The following PCDH9 variants were observed in gnomAD, a reference collection of about 807,000 sequenced individuals.
PCDH9 encodes the protein protocadherin-9.
In PCDH9, 24 loss-of-function variants were observed where a neutral mutation model predicts 70.6. The observed-to-expected ratio is 0.34, with a 90% CI of 0.25 to 0.48. PCDH9 has a LOEUF of 0.48. Among genes scored for constraint, PCDH9 ranks in the 20% least tolerant of loss-of-function variants. The probability of loss-of-function intolerance (pLI) is 0.99; values close to 1 mark genes in which losing one functional copy is unlikely to be tolerated. For missense variants in PCDH9, 1,281 were observed against 1,503.6 expected (o/e 0.85, Z 2.45); for synonymous variants, 562 against 558.5 (o/e 1.01, Z -0.09).
At chr13:66,717,507 A>ATATATG (rs1222231593) in intron 3 of PCDH9, among the ~76,000 whole-genome samples, 1 of 129,298 alleles carries the variant, frequency 7.7e-6, no homozygotes, top group East Asian at 2.2e-4. Flanking sequence ...ATATATATAT[A>ATATATG]TGTATATATG....
intron 2 of PCDH9, among the ~76,000 whole-genome samples, chr13:66,966,377 A>C (rs1041042780): frequency 1.1e-4 from 17 of 152,156 alleles, no homozygotes; most frequent in African/African-American, 3.9e-4. Flanking sequence ...GTGGGTGATG[A>C]AAACAATTCC....
intron 4 of PCDH9, among the ~76,000 whole-genome samples, chr13:66,474,689 T>C (rs750269877): frequency 2.0e-5 from 3 of 152,148 alleles, no homozygotes; most frequent in African/African-American, 7.2e-5. Context: ...GATAAAATTA[T>C]TTCAATGGCT....
intron 4 of PCDH9, among the ~76,000 whole-genome samples, chr13:66,573,265 C>CTT (rs57530466): frequency 2.0e-4 from 24 of 121,134 alleles, no homozygotes; most frequent in Middle Eastern, 5.3e-3. Context: ...CATTTACCTA[C>CTT]TTTTTTTTTT....
chr13:67,008,092 CA>C (rs1298802078), intron 2 of PCDH9, among the ~76,000 whole-genome samples: 6 of 151,936 alleles, frequency 3.9e-5, no homozygotes, highest in Admixed American at 1.3e-4. Flanking sequence ...TCATCAGTGT[CA>C]GATACAGTTG....
chr13:66,866,376 G>A (rs571934948), intron 3 of PCDH9, among the ~76,000 whole-genome samples: 2 of 152,228 alleles, frequency 1.3e-5, no homozygotes, highest in South Asian at 4.2e-4. Flanking sequence ...CAGCTACTCG[G>A]GAGGCTGAGG....
chr13:66,721,707 AT>A (rs1395768884), intron 3 of PCDH9, among the ~76,000 whole-genome samples: 5 of 152,188 alleles, frequency 3.3e-5, no homozygotes, highest in African/African-American at 9.7e-5. Context: ...CCATTCTGAA[AT>A]CAAGAAACTT....
At chr13:66,632,464 A>T (rs1290868259) in intron 3 of PCDH9, among the ~76,000 whole-genome samples, 1 of 152,234 alleles carries the variant, frequency 6.6e-6, no homozygotes, top group East Asian at 1.9e-4. Flanking sequence ...GTAGTAGAAT[A>T]GAATATCCTA....
intron 4 of PCDH9, among the ~76,000 whole-genome samples, chr13:66,366,585 T>C (rs540756572): frequency 1.3e-5 from 2 of 152,130 alleles, no homozygotes; most frequent in Non-Finnish European, 2.9e-5. Context: ...AATTTTTAAA[T>C]ATGTGAGTAC....
At chr13:66,354,658 T>C (rs976030707) in intron 4 of PCDH9, among the ~76,000 whole-genome samples, 6 of 152,066 alleles carry the variant, frequency 3.9e-5, no homozygotes, top group African/African-American at 1.4e-4. Context: ...AAATTTAGAC[T>C]TATAAAATAA....
intron 2 of PCDH9, chr13:66,991,074 T>TA (rs1265443547): frequency 6.6e-6 from 1 of 152,052 alleles, no homozygotes; most frequent in African/African-American, 2.4e-5. Context: ...ACTTGCCAGT[T>TA]ACACATCTCA....
intron 4 of PCDH9, 67 bp downstream of exon 4, chr13:66,631,143 T>C (rs1175055092): frequency 1.3e-6 from 1 of 789,812 alleles, no homozygotes; most frequent in African/African-American, 1.7e-5. Flanking sequence ...ACAATTATTT[T>C]TGAAAGCTCA....
chr13:66,959,940 C>A (rs2083319965), intron 2 of PCDH9, among the ~76,000 whole-genome samples: 1 of 152,140 alleles, frequency 6.6e-6, no homozygotes, highest in African/African-American at 2.4e-5. Context: ...CATTTAACTT[C>A]CTAAGAACAT....
At chr13:67,104,830 C>T (rs959515867) in intron 2 of PCDH9, among the ~76,000 whole-genome samples, 2 of 152,116 alleles carry the variant, frequency 1.3e-5, no homozygotes, top group Admixed American at 6.5e-5. Context: ...ATTACAGGCG[C>T]GAGCCACCGC....
At chr13:66,961,478 T>C (rs1328749394) in intron 2 of PCDH9, among the ~76,000 whole-genome samples, 5 of 152,148 alleles carry the variant, frequency 3.3e-5, no homozygotes, top group African/African-American at 1.2e-4. Context: ...TTTCAAAATT[T>C]AAGAAATATT....
chr13:66,704,600 T>A (rs545895092), intron 3 of PCDH9, among the ~76,000 whole-genome samples: 24 of 152,344 alleles, frequency 1.6e-4, no homozygotes, highest in African/African-American at 5.8e-4. Flanking sequence ...CCAATTCATT[T>A]ACAAATTGTA....
intron 2 of PCDH9, among the ~76,000 whole-genome samples, chr13:67,188,867 G>T (rs2088831672): frequency 6.6e-6 from 1 of 151,888 alleles, no homozygotes; most frequent in Admixed American, 6.6e-5. Flanking sequence ...TGATTTGAGA[G>T]ATTTCTATGC....
At chr13:67,009,409 T>G (rs1379819916) in intron 2 of PCDH9, among the ~76,000 whole-genome samples, 1 of 152,058 alleles carries the variant, frequency 6.6e-6, no homozygotes, top group African/African-American at 2.4e-5. Context: ...AAGTTGCAAG[T>G]CCCCTCATTT....
In PCDH9 at chr13:66,305,759, T is replaced by G. The variant is rs77073908; in HGVS notation, c.3341-731A>C. ...CCCTGAGCTTAACTATTTTCTAAAT[T>G]TCTAAGGTATAAAACTGAAGCTAAA... is the stretch of plus-strand genomic sequence containing the variant. On this transcript the variant is annotated intron_variant, in intron 4 of 4. Coordinates refer to ENST00000377865, the MANE Select transcript of PCDH9 (RefSeq NM_203487.3). Among the ~76,000 whole-genome samples the G allele has an allele frequency of 9.8e-3, 1,486 of 152,164 alleles. 27 individuals are homozygous for G. Among genetic ancestry groups the G allele is most frequent in the African/African-American group, 0.034 (1,394 of 41,530 alleles).
intron 3 of PCDH9, among the ~76,000 whole-genome samples, chr13:66,709,208 C>T (rs1217779764): frequency 8.5e-5 from 13 of 152,108 alleles, no homozygotes; most frequent in Admixed American, 8.5e-4. Flanking sequence ...CATTTACAGA[C>T]TTAGGGAACC....
Sources: allele counts gnomAD v4.1 joint callset (sites outside exome capture counted in the v4.1 genomes callset), GRCh38; gene constraint gnomAD v4.1.1; transcripts MANE v1.5; gene names NCBI Gene and HGNC (gene_info 2026-07-23, HGNC 2026-07-21).